EPS8: variants seen among roughly 807,000 people sequenced by gnomAD.
EPS8 encodes epidermal growth factor receptor kinase substrate 8.
EPS8 carries 42 observed loss-of-function variants against 103.8 expected under a neutral mutation model. The ratio of observed to expected loss-of-function variants is 0.40; its 90% CI spans 0.32 to 0.52. The LOEUF (loss-of-function observed/expected upper bound fraction) is 0.52. Among genes scored for constraint, EPS8 ranks in the 20% least tolerant of loss-of-function variants. EPS8 has a pLI of 0.40. For synonymous variants in EPS8, 344 were observed against 344.6 expected, an observed-to-expected ratio of 1.00 and a Z score of 0.02; for missense variants, 969 against 1,005.1, an observed-to-expected ratio of 0.96 and a Z score of 0.49.
At chr12:15,671,889 T>C (rs1179152626) in intron 3 of EPS8, 3 of 152,170 alleles carry the variant, frequency 2.0e-5, no homozygotes, top group African/African-American at 7.2e-5. Context: ...CAGAATGCTA[T>C]GATGAAAAAT....
intron 1 of EPS8, among the ~76,000 whole-genome samples, chr12:15,783,662 A>C (rs1265480842): frequency 1.3e-5 from 2 of 150,960 alleles, no homozygotes; most frequent in African/African-American, 4.9e-5. Context: ...GAACTGACAG[A>C]TGTTACTCTA....
chr12:15,783,837 A>G (rs1453379931), intron 1 of EPS8, among the ~76,000 whole-genome samples: 1 of 152,098 alleles, frequency 6.6e-6, no homozygotes, highest in East Asian at 1.9e-4. Flanking sequence ...TGTTTACAGT[A>G]AGTAATTTTG....
At chr12:15,675,343 G>T (rs906749417) in intron 3 of EPS8, among the ~76,000 whole-genome samples, 1 of 152,220 alleles carries the variant, frequency 6.6e-6, no homozygotes, top group Non-Finnish European at 1.5e-5. Flanking sequence ...GCTCACACCT[G>T]TAATCCCAGT....
intron 14 of EPS8, among the ~76,000 whole-genome samples, chr12:15,650,162 T>G (rs1565479237): frequency 6.6e-6 from 1 of 152,184 alleles, no homozygotes; most frequent in Non-Finnish European, 1.5e-5. Flanking sequence ...TATTAAATAC[T>G]TAAAAGATAA....
chr12:15,707,223 G>T (rs1277419123), intron 1 of EPS8, among the ~76,000 whole-genome samples: 1 of 152,044 alleles, frequency 6.6e-6, no homozygotes, highest in African/African-American at 2.4e-5. Context: ...ACAAACTTTC[G>T]GTAAAGAGCC....
intron 1 of EPS8, among the ~76,000 whole-genome samples, chr12:15,703,471 GTAAT>G (rs1278734823): frequency 2.0e-5 from 3 of 152,076 alleles, no homozygotes; most frequent in Non-Finnish European, 4.4e-5. Context: ...ACAGGTACAG[GTAAT>G]TAGAGAACAT....
intron 1 of EPS8, among the ~76,000 whole-genome samples, chr12:15,712,375 T>A (rs2135961565): frequency 6.6e-6 from 1 of 152,306 alleles, no homozygotes; most frequent in African/African-American, 2.4e-5. Context: ...ACCTGGTTAA[T>A]AAGCAAATTT....
chr12:15,712,905 G>A, intron 1 of EPS8: 2 of 985,250 alleles, frequency 2.0e-6, no homozygotes, highest in Non-Finnish European at 2.4e-6. Context: ...AATATTGAGA[G>A]GCCATTCCAC....
At chr12:15,743,842 T>C (rs1043353006) in intron 1 of EPS8, among the ~76,000 whole-genome samples, 3 of 152,190 alleles carry the variant, frequency 2.0e-5, no homozygotes, top group Non-Finnish European at 2.9e-5. Context: ...ATTCAGGCCA[T>C]AGGCATGGGC....
chr12:15,647,212 T>C lies in EPS8; in HGVS notation c.1483A>G (p.Ser495Gly), dbSNP rs766881805. 2 of 1,613,942 alleles carry C rather than the reference T, an allele frequency of 1.2e-6. No individual in the cohort carries two copies. Among genetic ancestry groups the C allele is most frequent in the Non-Finnish European group, 1.7e-6 (2 of 1,179,842 alleles). ...YHPADGYAFS[S>G]NIYTRGSHLD... is the part of the protein sequence containing the mutation. ...TGGGATCCTCTTGTGTAAATGTTGC[T>C]ACTGAACGCATAGCCATCGGCTGGA... Residue 495 changes from serine (S) to glycine (G), a missense_variant, in exon 15 of 21, where the codon AGC becomes GGC. Coordinates refer to ENST00000281172, the MANE Select transcript of EPS8 (RefSeq NM_004447.6).
At chr12:15,691,917 G>GC (rs1946177448) in intron 1 of EPS8, among the ~76,000 whole-genome samples, 1 of 151,962 alleles carries the variant, frequency 6.6e-6, no homozygotes, top group Admixed American at 6.5e-5. Context: ...CAGAAGTGGA[G>GC]CCCTCCTTTC....
rs1947159574 is a variant in EPS8 at position 15,771,968 on chromosome 12, C to A, written c.-22+17193G>T. Among the ~76,000 whole-genome samples, 1 of 151,926 alleles carries A rather than the reference C, an allele frequency of 6.6e-6. No homozygotes were observed. Among genetic ancestry groups the A allele is most frequent in the Non-Finnish European group, 1.5e-5 (1 of 67,978 alleles). On this transcript the variant is annotated intron_variant, in intron 1 of 20. Transcript: ENST00000281172. This position sits in a 1 kb window ranked among gnomAD's most constrained non-coding sequence, Gnocchi z 4.6. Reference sequence around the variant, plus strand: ...TGAAACCCCGTCTCTACTAAAAATACAAAAAATTAGCAGGGCATAGTGGCG... The same window carrying A: ...TGAAACCCCGTCTCTACTAAAAATAAAAAAAATTAGCAGGGCATAGTGGCG...
chr12:15,674,619 T>C (rs1945872319), intron 3 of EPS8, among the ~76,000 whole-genome samples: 1 of 152,176 alleles, frequency 6.6e-6, no homozygotes. Flanking sequence ...AGAACTAATT[T>C]TATTGGCCTG....
chr12:15,626,627 CAAAAAAAAAA>C (rs771173535), intron 18 of EPS8, among the ~76,000 whole-genome samples: 1 of 61,340 alleles, frequency 1.6e-5, no homozygotes, highest in Non-Finnish European at 4.1e-5. Context: ...GACTCCGTCT[CAAAAAAAAAA>C]AAAAAAAAAA....
At position 15,760,012 on chromosome 12, in the gene EPS8, A is replaced by T. The variant is rs1295193970; in HGVS notation, c.-22+29149T>A. Among the ~76,000 whole-genome samples the T allele has an allele frequency of 6.6e-6, 1 of 151,990 alleles. No individual in the cohort carries two copies. Among genetic ancestry groups the T allele is most frequent in the Non-Finnish European group, 1.5e-5 (1 of 67,922 alleles). On this transcript the variant is annotated intron_variant, in intron 1 of 20. Transcript: ENST00000281172. This position sits in a 1 kb window ranked among gnomAD's most constrained non-coding sequence, Gnocchi z 4.5. ...AAAAGAAGAAAATATAAAAAAAATC[A>T]ATGAAACTAAAAGTTGGTTTTCTAA...
Position 15,735,217 on chromosome 12 carries a change from A to G in EPS8, c.-21-52245T>C, listed in dbSNP as rs1287329634. ...ATTCTTACGTTTCTACTTTAGTCCA[A>G]TGAAGGCTAAGTTAAAGGTATTCTG... On this transcript the variant is annotated intron_variant, in intron 1 of 20. Coordinates refer to ENST00000281172, the MANE Select transcript of EPS8 (RefSeq NM_004447.6). This position sits in a 1 kb window ranked among gnomAD's most constrained non-coding sequence, Gnocchi z 4.4. Among the ~76,000 whole-genome samples the G allele has an allele frequency of 6.6e-6, 1 of 152,260 alleles. No homozygotes were observed. The highest frequency in any genetic ancestry group is 2.4e-5 in the African/African-American group (1 of 41,474).
rs1450621730 is a variant in EPS8, at chr12:15,751,190, T to C, written c.-22+37971A>G. On this transcript the variant is annotated intron_variant, in intron 1 of 20. Transcript: ENST00000281172. This position sits in a 1 kb window ranked among gnomAD's most constrained non-coding sequence, Gnocchi z 4.3. ...CAGGCCAACATAGTGAAACTCTGTC[T>C]CTACTAAAAATATAAAAATTAGCCA... is the stretch of plus-strand genomic sequence containing the variant. 1.3e-5 allele frequency among the ~76,000 whole-genome samples: 2 copies of C among 152,054 alleles called. No homozygotes were observed. Among genetic ancestry groups the C allele is most frequent in the African/African-American group, 4.8e-5 (2 of 41,372 alleles).
intron 1 of EPS8, among the ~76,000 whole-genome samples, chr12:15,773,217 A>G (rs922674470): frequency 1.3e-5 from 2 of 152,220 alleles, no homozygotes; most frequent in African/African-American, 4.8e-5. Context: ...ACATAGGTAC[A>G]TATAAGAGAG....
At chr12:15,628,914 G>A (rs921537732) in intron 18 of EPS8, among the ~76,000 whole-genome samples, 5 of 152,110 alleles carry the variant, frequency 3.3e-5, no homozygotes, top group Admixed American at 1.3e-4. Flanking sequence ...AGAACATTAA[G>A]CCCCAACATT....
Sources: gnomAD v4.1 joint callset for allele counts (sites outside exome capture counted in the v4.1 genomes callset) on GRCh38, gnomAD v4.1.1 for gene constraint, Gnocchi (gnomAD v3.1) non-coding constraint, MANE v1.5 for transcripts, NCBI Gene and HGNC (gene_info 2026-07-23, HGNC 2026-07-21) for gene names.